Variants in NELL1 observed in about 807,000 individuals in gnomAD.
NELL1 encodes neural EGFL like 1.
In NELL1, 76 loss-of-function variants were observed where a neutral mutation model predicts 107.4. That is an observed-to-expected ratio of 0.71 (90% confidence interval 0.59 to 0.86). The LOEUF (loss-of-function observed/expected upper bound fraction) is 0.86, where lower values mean the gene tolerates loss of function less well. Ranked by LOEUF, NELL1 falls within the 40% of genes least tolerant of loss-of-function variation. The pLI is 0.00. For missense variants in NELL1, 1,024 were observed against 1,005.5 expected, an observed-to-expected ratio of 1.02 and a Z score of -0.25; for synonymous variants, 353 against 341.2, an observed-to-expected ratio of 1.03 and a Z score of -0.38.
chr11:21,489,446 G>A (rs1320797129), intron 15 of NELL1, among the ~76,000 whole-genome samples: 13 of 141,008 alleles, frequency 9.2e-5, no homozygotes, highest in Non-Finnish European at 4.6e-5. Flanking sequence ...TGTTATCTGA[G>A]GCCAACATTA....
chr11:21,103,322 A>T lies in NELL1; in HGVS notation c.1301-10267A>T, dbSNP rs143731832. ...AGGGGAGGGGTGAATGAATAATTTGACCAAGTAACTGTGGGAAATTGCTAT... is the reference window on the plus strand; with the variant it reads ...AGGGGAGGGGTGAATGAATAATTTGTCCAAGTAACTGTGGGAAATTGCTAT... On this transcript the variant is annotated intron_variant, in intron 12 of 19. Coordinates refer to ENST00000357134, the MANE Select transcript of NELL1 (RefSeq NM_006157.5). Among the ~76,000 whole-genome samples, 1,125 of 152,276 alleles carry T rather than the reference A, an allele frequency of 7.4e-3. 19 individuals carry two copies. Among genetic ancestry groups the T allele is most frequent in the African/African-American group, 0.025 (1,031 of 41,552 alleles).
chr11:20,863,195 A>ACCTC (rs1849013903), intron 4 of NELL1, among the ~76,000 whole-genome samples: 5 of 135,802 alleles, frequency 3.7e-5, no homozygotes, highest in African/African-American at 1.7e-4. Context: ...GGCGCCCCTC[A>ACCTC]CCTCCCGGAC....
intron 16 of NELL1, among the ~76,000 whole-genome samples, chr11:21,536,326 T>C (rs995569097): frequency 6.6e-6 from 1 of 152,196 alleles, no homozygotes; most frequent in African/African-American, 2.4e-5. Flanking sequence ...GTATTCAATA[T>C]AGTTAAACCA....
chr11:20,720,656 G>A (rs1019348992), intron 2 of NELL1, among the ~76,000 whole-genome samples: 1 of 152,246 alleles, frequency 6.6e-6, no homozygotes, highest in African/African-American at 2.4e-5. Flanking sequence ...TTCCTTCTGA[G>A]GGCTGTGAGG....
At chr11:20,773,017 A>T (rs1354641630) in intron 2 of NELL1, among the ~76,000 whole-genome samples, 5 of 152,222 alleles carry the variant, frequency 3.3e-5, no homozygotes, top group Non-Finnish European at 5.9e-5. Flanking sequence ...CTGGACTTAG[A>T]TTGGAGTGGC....
At chr11:20,890,477 C>T (rs149367035) in intron 5 of NELL1, among the ~76,000 whole-genome samples, 2,990 of 152,160 alleles carry the variant, frequency 0.02, 97 homozygotes, top group African/African-American at 0.068. Flanking sequence ...CAATGTCTCT[C>T]CATCAAGGGC....
At chr11:21,419,041 C>G (rs1852591519) in intron 15 of NELL1, among the ~76,000 whole-genome samples, 1 of 152,088 alleles carries the variant, frequency 6.6e-6, no homozygotes, top group African/African-American at 2.4e-5. Flanking sequence ...TTCTGCCACC[C>G]CCTTAATGAC....
rs566599704 is a variant in NELL1, at chr11:21,396,491, A to G, written c.1645+25543A>G. On this transcript the variant is annotated intron_variant, in intron 15 of 19. Transcript: ENST00000357134. The stretch of plus-strand genomic sequence containing the variant: ...CTAAGGAAATACAAGATCTGGCCAC[A>G]GGGCCATTTATGAATTGCAGAACCC... 2.6e-5 allele frequency among the ~76,000 whole-genome samples: 4 copies of G among 151,808 alleles called. No individual in the cohort carries two copies. The East Asian group carries it at 7.8e-4, about 30-fold the overall frequency.
chr11:21,063,625 G>GC (rs780558936), intron 12 of NELL1, among the ~76,000 whole-genome samples: 46 of 152,286 alleles, frequency 3.0e-4, no homozygotes, highest in Non-Finnish European at 6.0e-4. Flanking sequence ...GAAGCTCTGT[G>GC]CCAGGAGCCT....
intron 3 of NELL1, among the ~76,000 whole-genome samples, chr11:20,797,485 G>GA (rs201465380): frequency 0.077 from 11,024 of 143,088 alleles, 470 homozygotes; most frequent in Middle Eastern, 0.2. Context: ...AGAATGGCGT[G>GA]AACCTGGGAG....
intron 15 of NELL1, among the ~76,000 whole-genome samples, chr11:21,519,009 G>A (rs771880978): frequency 1.3e-5 from 2 of 152,140 alleles, no homozygotes; most frequent in Non-Finnish European, 2.9e-5. Flanking sequence ...GACATCAAAG[G>A]CCTAGTTTGG....
chr11:21,339,695 TTCTGCCATTCCCACAA>T (rs1428632929), intron 14 of NELL1, among the ~76,000 whole-genome samples: 1 of 152,194 alleles, frequency 6.6e-6, no homozygotes, highest in East Asian at 1.9e-4. Context: ...GAACAATGGC[TTCTGCCATTCCCACAA>T]TCAAAATTGT....
At chr11:20,690,162 A>G (rs1590207167) in intron 2 of NELL1, among the ~76,000 whole-genome samples, 1 of 152,172 alleles carries the variant, frequency 6.6e-6, no homozygotes, top group African/African-American at 2.4e-5. Flanking sequence ...GTTGGAGTTC[A>G]TTGCAGATTC....
intron 13 of NELL1, among the ~76,000 whole-genome samples, chr11:21,212,634 G>T (rs1857523341): frequency 6.6e-6 from 1 of 152,172 alleles, no homozygotes; most frequent in South Asian, 2.1e-4. Context: ...ATAAGGCAGT[G>T]CAAGGCAGGG....
chr11:21,340,923 A>G (rs1850549238), intron 14 of NELL1, among the ~76,000 whole-genome samples: 1 of 152,112 alleles, frequency 6.6e-6, no homozygotes, highest in South Asian at 2.1e-4. Context: ...CAACACTAGT[A>G]AATCAACGTA....
intron 12 of NELL1, among the ~76,000 whole-genome samples, chr11:20,989,769 G>A (rs1851931359): frequency 6.6e-6 from 1 of 152,042 alleles, no homozygotes. Context: ...GAGGTGGGTG[G>A]AACACGAGGT....
intron 7 of NELL1, among the ~76,000 whole-genome samples, chr11:20,923,166 G>A (rs1420266373): frequency 1.3e-5 from 2 of 152,124 alleles, no homozygotes; most frequent in African/African-American, 4.8e-5. Flanking sequence ...TTCCAGAGAA[G>A]AAGCTCCGTG....
chr11:21,223,938 G>C (rs369610553), intron 13 of NELL1, among the ~76,000 whole-genome samples: 2 of 152,058 alleles, frequency 1.3e-5, no homozygotes, highest in Non-Finnish European at 2.9e-5. Flanking sequence ...TCTGTGTATA[G>C]GTTTCTTTGG....
intron 13 of NELL1, among the ~76,000 whole-genome samples, chr11:21,173,746 G>C (rs1001609140): frequency 1.3e-5 from 2 of 151,266 alleles, no homozygotes; most frequent in African/African-American, 2.4e-5. Flanking sequence ...GATATGTAGA[G>C]GTATGTGTGT....
Sources: gnomAD v4.1 joint callset for allele counts (sites outside exome capture counted in the v4.1 genomes callset) on GRCh38, gnomAD v4.1.1 for gene constraint, MANE v1.5 for transcripts, NCBI Gene and HGNC (gene_info 2026-07-23, HGNC 2026-07-21) for gene names.